ITPR1: variants seen among roughly 807,000 people sequenced by gnomAD.
ITPR1 encodes the protein inositol 1,4,5-trisphosphate receptor type 1, also known as inositol 1,4,5-trisphosphate-gated calcium channel ITPR1.
Under a neutral mutation model 318.4 loss-of-function variants are expected in ITPR1, and 96 were observed. The ratio of observed to expected loss-of-function variants is 0.30; its 90% CI spans 0.26 to 0.36. ITPR1 has a LOEUF of 0.36. Among genes scored for constraint, ITPR1 ranks in the 10% least tolerant of loss-of-function variants. ITPR1 has a pLI of 1.00. For missense variants in ITPR1, 2,440 were observed against 3,460.2 expected, an observed-to-expected ratio of 0.71 and a Z score of 7.40; for synonymous variants, 1,312 against 1,289.9, an observed-to-expected ratio of 1.02 and a Z score of -0.37.
intron 10 of ITPR1, among the ~76,000 whole-genome samples, chr3:4,651,542 A>G (rs759300404): frequency 2.0e-5 from 3 of 152,218 alleles, no homozygotes; most frequent in Non-Finnish European, 4.4e-5. Context: ...CAACATGTGA[A>G]CACAGTTGTT....
intron 53 of ITPR1, among the ~76,000 whole-genome samples, chr3:4,798,984 A>C (rs916159698): frequency 2.6e-5 from 4 of 152,234 alleles, no homozygotes; most frequent in African/African-American, 9.6e-5. Context: ...TAGAGTGATA[A>C]AAATGTTCTG....
At chr3:4,761,589 T>A (rs2045455058) in intron 44 of ITPR1, among the ~76,000 whole-genome samples, 1 of 152,224 alleles carries the variant, frequency 6.6e-6, no homozygotes, top group African/African-American at 2.4e-5. Flanking sequence ...AGGTTTATGT[T>A]GAAGGGCTAC....
intron 4 of ITPR1, among the ~76,000 whole-genome samples, chr3:4,621,840 G>C (rs1050280939): frequency 6.6e-6 from 1 of 152,154 alleles, no homozygotes; most frequent in Non-Finnish European, 1.5e-5. Flanking sequence ...ATGAAGGCTG[G>C]CTCCTCCTTT....
intron 4 of ITPR1, among the ~76,000 whole-genome samples, chr3:4,546,592 A>G (rs2085030817): frequency 6.6e-6 from 1 of 152,092 alleles, no homozygotes; most frequent in Non-Finnish European, 1.5e-5. Flanking sequence ...GCCTTCAGCC[A>G]CAGAAGTCCG....
chr3:4,806,756 C>T (rs951010876), intron 55 of ITPR1, among the ~76,000 whole-genome samples: 9 of 152,102 alleles, frequency 5.9e-5, no homozygotes, highest in Non-Finnish European at 1.0e-4. Context: ...CTAGGAGACC[C>T]TTTCAGTAGC....
intron 18 of ITPR1, among the ~76,000 whole-genome samples, chr3:4,668,708 T>G (rs2094006732): frequency 6.6e-6 from 1 of 152,162 alleles, no homozygotes; most frequent in Non-Finnish European, 1.5e-5. Flanking sequence ...CCTCGTGATC[T>G]GTCCGCCTTT....
chr3:4,573,657 C>T (rs543490934), intron 4 of ITPR1, among the ~76,000 whole-genome samples: 1 of 152,220 alleles, frequency 6.6e-6, no homozygotes, highest in African/African-American at 2.4e-5. Flanking sequence ...GCCTTAAACA[C>T]ACTAAGATTG....
At chr3:4,783,763 G>C in intron 50 of ITPR1, 53 bp from the exon 51 acceptor site, 1 of 1,322,854 alleles carries the variant, frequency 7.6e-7, no homozygotes, top group Non-Finnish European at 1.1e-6. Context: ...GAGTTTCTGT[G>C]TTCCTGTTGT....
chr3:4,655,124 A>G (rs944219835), intron 12 of ITPR1, among the ~76,000 whole-genome samples: 2 of 152,154 alleles, frequency 1.3e-5, no homozygotes, highest in South Asian at 2.1e-4. Context: ...TATTGTTTGA[A>G]CACTTGGACT....
chr3:4,802,416 G>C (rs879617692), intron 54 of ITPR1, among the ~76,000 whole-genome samples: 11 of 152,190 alleles, frequency 7.2e-5, no homozygotes, highest in Non-Finnish European at 1.3e-4. Flanking sequence ...CATCAGGAGG[G>C]ACTAGAGGCA....
At chr3:4,835,970 A>T (rs60487358) in intron 60 of ITPR1, among the ~76,000 whole-genome samples, 17,686 of 152,196 alleles carry the variant, frequency 0.12, 1,387 homozygotes, top group East Asian at 0.24. Context: ...GGAAAAGGAA[A>T]CAAGAGGAGT....
At chr3:4,545,539 C>G (rs981533327) in intron 4 of ITPR1, among the ~76,000 whole-genome samples, 3 of 148,878 alleles carry the variant, frequency 2.0e-5, no homozygotes, top group African/African-American at 7.5e-5. Flanking sequence ...GTAAGGATCT[C>G]TGGACCCTAG....
intron 4 of ITPR1, among the ~76,000 whole-genome samples, chr3:4,598,793 A>C (rs1200246142): frequency 6.6e-6 from 1 of 152,172 alleles, no homozygotes; most frequent in African/African-American, 2.4e-5. Context: ...TTGGGCTCTA[A>C]ATCAGAGTGT....
chr3:4,674,983 A>G, intron 22 of ITPR1, 85 bp from the exon 23 acceptor site: 1 of 709,520 alleles, frequency 1.4e-6, no homozygotes, highest in Non-Finnish European at 2.4e-6. Context: ...CAAGTCTGTC[A>G]TTTCTAAACT....
At chr3:4,829,954 G>GTTTTTTTTTTTTT (rs35099159) in intron 60 of ITPR1, among the ~76,000 whole-genome samples, 1 of 27,096 alleles carries the variant, frequency 3.7e-5, no homozygotes, top group African/African-American at 1.2e-4. Flanking sequence ...ATGTATAACA[G>GTTTTTTTTTTTTT]TTTTTTTTTT....
chr3:4,732,678 T>C (rs972265208), intron 42 of ITPR1, among the ~76,000 whole-genome samples: 1 of 152,256 alleles, frequency 6.6e-6, no homozygotes, highest in African/African-American at 2.4e-5. Flanking sequence ...TCTTAATATT[T>C]TTTCGGACCT....
intron 4 of ITPR1, among the ~76,000 whole-genome samples, chr3:4,534,439 C>T (rs1331343762): frequency 6.6e-6 from 1 of 152,172 alleles, no homozygotes; most frequent in Non-Finnish European, 1.5e-5. Context: ...TGCTTATTCT[C>T]ATTGGCACTG....
At position 4,538,450 on chromosome 3, in the gene ITPR1, A is replaced by G. The variant is rs150148000; in HGVS notation, c.163+17356A>G. The stretch of plus-strand genomic sequence containing the variant: ...GGAATGTTTTTACACTGTTGGTGGG[A>G]ATGTAAATTAGTTCAATCATCATGG... On this transcript the variant is annotated intron_variant, in intron 4 of 61. Transcript: ENST00000649015. 4.9e-3 allele frequency among the ~76,000 whole-genome samples: 748 copies of G among 152,286 alleles called. 2 individuals carry two copies. Among genetic ancestry groups the G allele is most frequent in the Non-Finnish European group, 8.5e-3 (575 of 68,018 alleles).
At chr3:4,716,284 T>C (rs2125290860) in intron 39 of ITPR1, among the ~76,000 whole-genome samples, 1 of 152,306 alleles carries the variant, frequency 6.6e-6, no homozygotes, top group South Asian at 2.1e-4. Flanking sequence ...CAGAAAATCT[T>C]CAAGCCCCTA....
Sources: gnomAD v4.1 joint callset for allele counts (sites outside exome capture counted in the v4.1 genomes callset) on GRCh38, gnomAD v4.1.1 for gene constraint, MANE v1.5 for transcripts, NCBI Gene and HGNC (gene_info 2026-07-23, HGNC 2026-07-21) for gene names.